Variants in KCNQ1 observed in about 807,000 individuals in gnomAD.
KCNQ1 encodes the protein potassium voltage-gated channel subfamily Q member 1.
KCNQ1 carries 49 observed loss-of-function variants against 72.4 expected under a neutral mutation model. The ratio of observed to expected loss-of-function variants is 0.68; its 90% CI spans 0.54 to 0.86. The LOEUF is 0.86. Ranked by LOEUF, KCNQ1 falls within the 40% of genes least tolerant of loss-of-function variation. KCNQ1 has a pLI of 0.00. For synonymous variants in KCNQ1, 450 were observed against 412.6 expected, an observed-to-expected ratio of 1.09 and a Z score of -1.10; for missense variants, 790 against 945.1, an observed-to-expected ratio of 0.84 and a Z score of 2.15.
intron 15 of KCNQ1, among the ~76,000 whole-genome samples, chr11:2,798,664 CA>C (rs1353543549): frequency 6.6e-6 from 1 of 152,124 alleles, no homozygotes; most frequent in South Asian, 2.1e-4. Context: ...TTGCAGGTAT[CA>C]AATTAAGTTC....
At chr11:2,650,331 C>A (rs1216849771) in intron 10 of KCNQ1, 1 of 398,286 alleles carries the variant, frequency 2.5e-6, no homozygotes, top group Non-Finnish European at 4.4e-6. Flanking sequence ...TTTTTCCCCC[C>A]AAGTTTTTTG....
chr11:2,571,143 T>G lies in KCNQ1; in HGVS notation c.605-182T>G, dbSNP rs73404679. ...GGCTCCACATGGCCAGGACAGAGGT[T>G]GGGTCTCTCCGTTTAGATGCTGCCT... is the stretch of plus-strand genomic sequence containing the variant. On this transcript the variant is annotated intron_variant, in intron 3 of 15. Transcript: ENST00000155840. 0.061 allele frequency among the ~76,000 whole-genome samples: 9,351 copies of G among 152,186 alleles called. 708 individuals carry two copies. The highest frequency in any genetic ancestry group is 0.18 in the African/African-American group (7,413 of 41,514).
intron 11 of KCNQ1, chr11:2,688,909 C>T (rs527494325): frequency 1.0e-5 from 4 of 398,910 alleles, no homozygotes; most frequent in Non-Finnish European, 1.8e-5. Flanking sequence ...GGGCTAGGGC[C>T]ACCCCACACA....
rs1302108464 is a variant in KCNQ1, at chr11:2,712,524, C to T, written c.1514+50443C>T. 8.2e-6 allele frequency among the ~76,000 whole-genome samples: 1 copy of T among 122,100 alleles called. No homozygotes were observed. The highest frequency in any genetic ancestry group is 4.9e-3 in the Middle Eastern group (1 of 204). 80.1% of individuals were successfully genotyped at this position (122,100 alleles called of 152,430 possible). A position where few individuals can be genotyped will look rare whatever the true frequency, so the allele number is the denominator to read the frequency against. ...GATCTCGCCCACATATTCCCGAAGCCACCAGGCCAGACACCGCCCCAGCTG... is the reference window on the plus strand; with the variant it reads ...GATCTCGCCCACATATTCCCGAAGCTACCAGGCCAGACACCGCCCCAGCTG... On this transcript the variant is annotated intron_variant, in intron 11 of 15. Transcript: ENST00000155840. This position sits in a 1 kb window ranked among gnomAD's most constrained non-coding sequence, Gnocchi z 6.4.
intron 10 of KCNQ1, chr11:2,636,767 C>T (rs956345383): frequency 6.6e-6 from 1 of 152,246 alleles, no homozygotes; most frequent in Non-Finnish European, 1.5e-5. Flanking sequence ...ATAGTACCAG[C>T]TCCTCCTTGT....
At chr11:2,831,995 G>T (rs1847961274) in intron 15 of KCNQ1, among the ~76,000 whole-genome samples, 1 of 152,074 alleles carries the variant, frequency 6.6e-6, no homozygotes, top group African/African-American at 2.4e-5. Flanking sequence ...TGCTCCAGGG[G>T]GGTGGCCTGA....
chr11:2,622,740 T>C, intron 10 of KCNQ1: 1 of 398,584 alleles, frequency 2.5e-6, no homozygotes, highest in Non-Finnish European at 4.4e-6. Context: ...TTAGAGCAGT[T>C]TTAGGGTTCC....
intron 10 of KCNQ1, chr11:2,634,295 A>G (rs1849415228): frequency 3.0e-6 from 1 of 330,338 alleles, no homozygotes; most frequent in East Asian, 4.5e-5. Flanking sequence ...CCTTAGGTAT[A>G]TCTCCTAATG....
chr11:2,816,322 T>C lies in KCNQ1; in HGVS notation c.1795-31445T>C, dbSNP rs1005614741. Among the ~76,000 whole-genome samples the C allele has an allele frequency of 6.6e-6, 1 of 152,198 alleles. No homozygotes were observed. The highest frequency in any genetic ancestry group is 2.4e-5 in the African/African-American group (1 of 41,450). ...GTCAAGCTCAGTGCTGGTGACGATG[T>C]TGGGGAGAGGGGCCTCCAGCGCCGT... On this transcript the variant is annotated intron_variant, in intron 15 of 15. Transcript: ENST00000155840. This position sits in a 1 kb window ranked among gnomAD's most constrained non-coding sequence, Gnocchi z 6.8.
chr11:2,702,708 C>T (rs561913325), intron 11 of KCNQ1, among the ~76,000 whole-genome samples: 39 of 152,252 alleles, frequency 2.6e-4, no homozygotes, highest in Admixed American at 4.6e-4. Flanking sequence ...ACAAATTCCC[C>T]GCCTGTGATA....
rs555409444 is a variant in KCNQ1, at chr11:2,549,761, A to G, written c.478-20867A>G. On this transcript the variant is annotated intron_variant, in intron 2 of 15. Coordinates refer to ENST00000155840, the MANE Select transcript of KCNQ1 (RefSeq NM_000218.3). The surrounding 1 kb of genome is among the most constrained non-coding windows in gnomAD (Gnocchi z 6.2). ...CTGGGGGGCAGTGGACGTGAGCAGCAGCACGTGGCCCCCAGTCATGAGTAC... is the reference window on the plus strand; with the variant it reads ...CTGGGGGGCAGTGGACGTGAGCAGCGGCACGTGGCCCCCAGTCATGAGTAC... Among the ~76,000 whole-genome samples, 32 of 152,174 alleles carry G rather than the reference A, an allele frequency of 2.1e-4. No homozygotes were observed. The highest frequency in any genetic ancestry group is 4.0e-4 in the Non-Finnish European group (27 of 67,936).
chr11:2,793,636 T>A (rs1252308678), intron 15 of KCNQ1, among the ~76,000 whole-genome samples: 1 of 151,748 alleles, frequency 6.6e-6, no homozygotes, highest in African/African-American at 2.4e-5. Context: ...AAAATAAAAG[T>A]AAGAAGTATT....
chr11:2,696,066 A>AC (rs1564861265), intron 11 of KCNQ1: 2 of 398,474 alleles, frequency 5.0e-6, no homozygotes, highest in African/African-American at 4.1e-5. Flanking sequence ...AACAGTCTTG[A>AC]CCCTTGCCAT....
intron 11 of KCNQ1, among the ~76,000 whole-genome samples, chr11:2,718,180 GC>G (rs1251875300): frequency 1.3e-5 from 2 of 152,172 alleles, no homozygotes; most frequent in African/African-American, 4.8e-5. Context: ...CAGCCCAGAG[GC>G]CCTCCCCTGA....
At chr11:2,527,530 A>G (rs1208498369) in intron 1 of KCNQ1, among the ~76,000 whole-genome samples, 1 of 152,178 alleles carries the variant, frequency 6.6e-6, no homozygotes, top group Non-Finnish European at 1.5e-5. Flanking sequence ...AGAACGTTTA[A>G]TTACCCCAAA....
At chr11:2,637,139 G>T (rs945729041) in intron 10 of KCNQ1, 6 of 151,996 alleles carry the variant, frequency 3.9e-5, no homozygotes, top group Middle Eastern at 3.2e-3. Flanking sequence ...CCACCTCCTG[G>T]ATTCATTGAT....
intron 10 of KCNQ1, chr11:2,619,488 A>G: frequency 2.5e-6 from 1 of 398,606 alleles, no homozygotes; most frequent in Non-Finnish European, 4.4e-6. Flanking sequence ...TGTATATTAA[A>G]TAAGATTTGC....
At chr11:2,685,556 A>G (rs1850472698) in intron 11 of KCNQ1, 1 of 398,712 alleles carries the variant, frequency 2.5e-6, no homozygotes, top group Non-Finnish European at 4.4e-6. Context: ...GCAGATGACT[A>G]CAGCTCTTGG....
chr11:2,613,860 G>A lies in KCNQ1; in HGVS notation c.1393+25006G>A, dbSNP rs1000081405. ...GTTTTCTAGTTTATAGTTTGTGTGT[G>A]TTTGCTCTTTATAAGACATGATTAT... On this transcript the variant is annotated intron_variant, in intron 10 of 15. Coordinates refer to ENST00000155840, the MANE Select transcript of KCNQ1 (RefSeq NM_000218.3). The surrounding 1 kb of genome is among the most constrained non-coding windows in gnomAD (Gnocchi z 4.8). The A allele has an allele frequency of 4.8e-5, 19 of 398,364 alleles. No homozygotes were observed. Among genetic ancestry groups the A allele is most frequent in the East Asian group, 2.8e-4 (8 of 28,072 alleles). The allele number at this position is 398,364 out of a possible 1,614,324, so 24.7% of individuals were successfully genotyped here. A position where few individuals can be genotyped will look rare whatever the true frequency, so the allele number is the denominator to read the frequency against.
Sources: allele counts gnomAD v4.1 joint callset (sites outside exome capture counted in the v4.1 genomes callset), GRCh38; gene constraint gnomAD v4.1.1; non-coding constraint Gnocchi (gnomAD v3.1); transcripts MANE v1.5; gene names NCBI Gene and HGNC (gene_info 2026-07-23, HGNC 2026-07-21).